Variants in DPPA4 observed in about 807,000 individuals in gnomAD.
DPPA4 encodes developmental pluripotency-associated protein 4.
DPPA4 carries 22 observed loss-of-function variants against 33.7 expected under a neutral mutation model. That is an observed-to-expected ratio of 0.65 (90% CI 0.47 to 0.93). The LOEUF is 0.93. Ranked by LOEUF, DPPA4 falls within the 40% of genes least tolerant of loss-of-function variation. The probability of loss-of-function intolerance (pLI) is 0.00; values close to 1 mark genes in which losing one functional copy is unlikely to be tolerated. For missense variants in DPPA4, 340 were observed against 358.6 expected, an observed-to-expected ratio of 0.95 and a Z score of 0.42; for synonymous variants, 156 against 132.3, an observed-to-expected ratio of 1.18 and a Z score of -1.23.
At position 109,337,031 on chromosome 3, in the gene DPPA4, G is replaced by C. The variant is rs541656894; in HGVS notation, c.54+433C>G. ...TTCTCCTGCCTCAGCCTCCCGAGTA[G>C]CTGGGATTACAGGTGTGCGCCACCA... is the stretch of plus-strand genomic sequence containing the variant. On this transcript the variant is annotated intron_variant, in intron 1 of 6. Coordinates refer to ENST00000335658, the MANE Select transcript of DPPA4 (RefSeq NM_018189.4). 1.4e-3 allele frequency among the ~76,000 whole-genome samples: 209 copies of C among 152,236 alleles called. 3 individuals carry two copies. The Middle Eastern group carries it at 0.017, about 12-fold the overall frequency.
chr3:109,336,772 TGG>T (rs1708224184), intron 1 of DPPA4, among the ~76,000 whole-genome samples: 4 of 152,176 alleles, frequency 2.6e-5, no homozygotes, highest in Admixed American at 2.6e-4. Context: ...AGTAGCACTT[TGG>T]TAAGCCGAGG....
At chr3:109,329,351 C>A (rs1708005594) in intron 5 of DPPA4, 2 of 341,538 alleles carry the variant, frequency 5.9e-6, no homozygotes, top group East Asian at 1.2e-4. Flanking sequence ...CTGGCTAACA[C>A]AGTGAAACCC....
chr3:109,338,635 A>G (rs1708257038), upstream of DPPA4, among the ~76,000 whole-genome samples: 1 of 152,192 alleles, frequency 6.6e-6, no homozygotes. Flanking sequence ...ACAGGCTAGA[A>G]ATCCACGGAC....
chr3:109,332,322 C>T (rs1447940907), intron 2 of DPPA4: 14 of 206,392 alleles, frequency 6.8e-5, no homozygotes, highest in Admixed American at 6.8e-4. Context: ...AAGCTGGTCT[C>T]GAACTCCTGA....
rs1330206950 is a variant in DPPA4 at position 109,327,165 on chromosome 3, ATTG to A, written c.*820_*822del. 6.6e-6 allele frequency: 1 copy of A among 152,192 alleles called. No homozygotes were observed. Among genetic ancestry groups the A allele is most frequent in the East Asian group, 1.9e-4 (1 of 5,196 alleles). The allele number at this position is 152,192 out of a possible 1,614,324, so 9.4% of individuals were successfully genotyped here. On this transcript the variant is annotated 3_prime_UTR_variant, in exon 7 of 7. Transcript: ENST00000335658. ...GGTTATTAAGAGAACTTTGAAAAAT[ATTG>A]TTTAGAATATTAAAAATCATGTGTT...
intron 6 of DPPA4, 118 bp from the exon 7 acceptor site, chr3:109,328,142 G>A (rs1488168135): frequency 1.9e-5 from 13 of 678,952 alleles, no homozygotes; most frequent in Non-Finnish European, 3.1e-5. Flanking sequence ...ATCATAGGTA[G>A]CAAGCCTGTG....
intron 5 of DPPA4, 180 bp downstream of exon 5, chr3:109,330,344 A>C (rs1708039536): frequency 3.5e-6 from 2 of 571,686 alleles, no homozygotes; most frequent in African/African-American, 4.0e-5. Flanking sequence ...AAAAAAAAAA[A>C]AGAAATGCAA....
At chr3:109,338,426 C>T (rs956483478), upstream of DPPA4, among the ~76,000 whole-genome samples, 2 of 152,210 alleles carry the variant, frequency 1.3e-5, no homozygotes, top group African/African-American at 4.8e-5. Context: ...TTCCTCAGAT[C>T]AGTGCTCCCT....
At position 109,328,014 on chromosome 3, in the gene DPPA4, A is replaced by T; in HGVS notation, c.889T>A (p.Leu297Ile). 6.5e-7 allele frequency: 1 copy of T among 1,539,924 alleles called. No individual in the cohort carries two copies. Among genetic ancestry groups the T allele is most frequent in the Middle Eastern group, 1.8e-4 (1 of 5,644 alleles). ...TATTCCCATTGGAGGCTTTTTATTAAGACCTTGTTCCTATAAAGCAAATAA... is the reference window on the plus strand; with the variant it reads ...TATTCCCATTGGAGGCTTTTTATTATGACCTTGTTCCTATAAAGCAAATAA... Reference protein sequence around the residue: ...CPKCVHRNKVLIKSLQWE With the variant: ...CPKCVHRNKVIIKSLQWE The change falls in exon 7 of 7, where the codon TTA (leucine) becomes ATA (isoleucine). Residue 297 changes from leucine (L) to isoleucine (I), a missense_variant. This residue lies in a region of DPPA4 where 212 missense variants were observed against 206.5 expected (regional missense o/e 1.03). Coordinates refer to ENST00000335658, the MANE Select transcript of DPPA4 (RefSeq NM_018189.4).
At position 109,331,992 on chromosome 3, in the gene DPPA4, G is replaced by T. The variant is rs770271945; in HGVS notation, c.218C>A (p.Pro73His). 1.5e-5 allele frequency: 25 copies of T among 1,613,926 alleles called. No homozygotes were observed. Among genetic ancestry groups the T allele is most frequent in the Non-Finnish European group, 1.8e-5 (21 of 1,179,966 alleles). ...PKKKAEHTDN[P>H]RPQKKIPIPP... ...GATTGGTATCTTCTTCTGAGGTCTG[G>T]GGTTGTCAGTGTGCTCTGCCTTTTT... The change falls in exon 3 of 7, where the codon CCC (proline) becomes CAC (histidine). Residue 73 changes from proline (P) to histidine (H), a missense_variant. Pro to His is a moderately conservative substitution (Grantham distance 77). Around this residue, in one of 3 missense-constraint regions of DPPA4, gnomAD observed 96 missense variants for 91.8 expected, o/e 1.05. Transcript: ENST00000335658.
At position 109,330,300 on chromosome 3, in the gene DPPA4, C is replaced by CAAAA. The variant is rs71129042; in HGVS notation, c.679+220_679+223dup. On this transcript the variant is annotated intron_variant, in intron 5 of 6. Coordinates refer to ENST00000335658, the MANE Select transcript of DPPA4 (RefSeq NM_018189.4). ...CTGGGCAACAAGGGAGAAACTGTCTCAAAAAAAAAAAAAAAAAAAAAAAAA... is the reference window on the plus strand; with the variant it reads ...CTGGGCAACAAGGGAGAAACTGTCTCAAAAAAAAAAAAAAAAAAAAAAAAAAAAA... 1.8e-3 allele frequency: 610 copies of CAAAA among 348,304 alleles called. 4 individuals are homozygous for CAAAA. The highest frequency in any genetic ancestry group is 2.9e-3 in the Middle Eastern group (3 of 1,050). 21.6% of individuals were successfully genotyped at this position (348,304 alleles called of 1,614,324 possible). A position where few individuals can be genotyped will look rare whatever the true frequency, so the allele number is the denominator to read the frequency against.
chr3:109,337,490 T>A lies in DPPA4; in HGVS notation c.28A>T (p.Ser10Cys), dbSNP rs754838084. 2.5e-6 allele frequency: 4 copies of A among 1,614,090 alleles called. No homozygotes were observed. The highest frequency in any genetic ancestry group is 2.5e-6 in the Non-Finnish European group (3 of 1,179,998). The change falls in exon 1 of 7, where the codon AGT (serine) becomes TGT (cysteine). Residue 10 changes from serine (S) to cysteine (C), a missense_variant. Around this residue, in one of 3 missense-constraint regions of DPPA4, gnomAD observed 96 missense variants for 91.8 expected, o/e 1.05. Transcript: ENST00000335658. ...TCCTTGCCTTTTGCCTTCTCCATAC[T>A]TGTAGAAGAAGCGGAGCCTCGCAAC... MLRGSASST[S>C]MEKAKGKEWT... is the part of the protein sequence containing the mutation.
chr3:109,332,400 C>T (rs1018997733), intron 2 of DPPA4, among the ~76,000 whole-genome samples: 4 of 152,084 alleles, frequency 2.6e-5, no homozygotes, highest in Non-Finnish European at 5.9e-5. Flanking sequence ...CGCGCCCAGC[C>T]TAAAATCACT....
Position 109,327,421 on chromosome 3 carries a change from C to A in DPPA4, c.*567G>T, listed in dbSNP as rs529609900. The A allele has an allele frequency of 6.6e-6, 1 of 152,496 alleles. No homozygotes were observed. The highest frequency in any genetic ancestry group is 2.1e-4 in the South Asian group (1 of 4,830). 9.4% of individuals were successfully genotyped at this position (152,496 alleles called of 1,614,324 possible). A position where few individuals can be genotyped will look rare whatever the true frequency, so the allele number is the denominator to read the frequency against. ...GCGCAGGGGCTCATGCCCATAGTCC[C>A]AGCATTTTGGGAGGCTGAGGAGGGT... On this transcript the variant is annotated 3_prime_UTR_variant, in exon 7 of 7. Transcript: ENST00000335658.
rs1437769758 is a variant in DPPA4, at chr3:109,328,742, C to T, written c.878+148G>A. 7 of 751,508 alleles carry T rather than the reference C, an allele frequency of 9.3e-6. No homozygotes were observed. In the East Asian group the frequency reaches 1.9e-4, roughly 20 times the overall value. 46.6% of individuals were successfully genotyped at this position (751,508 alleles called of 1,614,324 possible). On this transcript the variant is annotated intron_variant, in intron 6 of 6. Coordinates refer to ENST00000335658, the MANE Select transcript of DPPA4 (RefSeq NM_018189.4). ...ATGCTTTCTTTTTCCTGGGGATAAA[C>T]TTAACTGAGTAATAATTTTCTTGAA...
At chr3:109,329,301 C>CTTTTTTAAT in intron 5 of DPPA4, 1 of 513,844 alleles carries the variant, frequency 1.9e-6, no homozygotes, top group South Asian at 2.5e-5. Context: ...TTTGGGAGGC[C>CTTTTTTAAT]GAGGCGGGTG....
intron 5 of DPPA4, 125 bp downstream of exon 5, chr3:109,330,398 TG>T: frequency 9.8e-7 from 1 of 1,019,734 alleles, no homozygotes; most frequent in Non-Finnish European, 1.5e-6. Flanking sequence ...AGAAACTCTG[TG>T]GGCAGGGTCC....
upstream of DPPA4, among the ~76,000 whole-genome samples, chr3:109,337,808 T>G (rs553116493): frequency 6.9e-4 from 105 of 152,010 alleles, no homozygotes; most frequent in Non-Finnish European, 1.4e-3. Context: ...TTCAGAACGA[T>G]TCTACGGGGA....
At position 109,328,942 on chromosome 3, in the gene DPPA4, A is replaced by T. The variant is rs747129049; in HGVS notation, c.826T>A (p.Phe276Ile). The change falls in exon 6 of 7, where the codon TTT (phenylalanine) becomes ATT (isoleucine). Residue 276 changes from phenylalanine (F) to isoleucine (I), a missense_variant. Physicochemically the swap from Phe to Ile is conservative, Grantham distance 21. Transcript: ENST00000335658. Reference sequence around the variant, plus strand: ...TTGTCTTCAAGGTGCGGGGGTGGAAAATTGGAGGCAGGAAGCAAGAAGAGT... The same window carrying T: ...TTGTCTTCAAGGTGCGGGGGTGGAATATTGGAGGCAGGAAGCAAGAAGAGT... ...SALFLLPASN[F>I]PPPHLEDNML... 1 of 1,614,020 alleles carries T rather than the reference A, an allele frequency of 6.2e-7. No individual in the cohort carries two copies. Among genetic ancestry groups the T allele is most frequent in the Admixed American group, 1.7e-5 (1 of 59,984 alleles).
Sources: allele counts gnomAD v4.1 joint callset (sites outside exome capture counted in the v4.1 genomes callset), GRCh38; gene constraint gnomAD v4.1.1; regional missense constraint gnomAD v4.1.1; transcripts MANE v1.5; gene names NCBI Gene and HGNC (gene_info 2026-07-23, HGNC 2026-07-21).